The following SHKBP1 variants were observed in gnomAD, a reference collection of about 807,000 sequenced individuals.
SHKBP1 encodes the protein SH3KBP1 binding protein 1.
In SHKBP1, 71 loss-of-function variants were observed where a neutral mutation model predicts 83.9. That is an observed-to-expected ratio of 0.85 (90% CI 0.70 to 1.03). The LOEUF is 1.03. SHKBP1 is among the 50% of genes least tolerant of loss of function. The pLI is 0.00. For missense variants in SHKBP1, 824 were observed against 982.4 expected (o/e 0.84, Z 2.16); for synonymous variants, 371 against 398.0 (o/e 0.93, Z 0.81).
chr19:40,591,295 G>A lies in SHKBP1; in HGVS notation c.*88G>A, dbSNP rs2081358884. The A allele has an allele frequency of 2.2e-5, 25 of 1,159,706 alleles. No individual in the cohort carries two copies. The allele number at this position is 1,159,706 out of a possible 1,614,324, so 71.8% of individuals were successfully genotyped here. A position where few individuals can be genotyped will look rare whatever the true frequency, so the allele number is the denominator to read the frequency against. ...ATTCCTGTGGGAACCCCGGGTTCAGGGCCAGGGCCTCCTTGGAATAAATGG... is the reference window on the plus strand; with the variant it reads ...ATTCCTGTGGGAACCCCGGGTTCAGAGCCAGGGCCTCCTTGGAATAAATGG... On this transcript the variant is annotated 3_prime_UTR_variant, in exon 18 of 18. Coordinates refer to ENST00000291842, the MANE Select transcript of SHKBP1 (RefSeq NM_138392.4).
intron 4 of SHKBP1, 83 bp downstream of exon 4, chr19:40,577,713 A>G (rs1385610830): frequency 1.4e-6 from 2 of 1,464,764 alleles, no homozygotes; most frequent in Non-Finnish European, 1.9e-6. Context: ...TGTCCACGTG[A>G]GCTCCATTCT....
Position 40,590,320 on chromosome 19 carries a change from C to T in SHKBP1, c.1666C>T (p.Leu556Phe). 1 of 1,609,920 alleles carries T rather than the reference C, an allele frequency of 6.2e-7. No individual in the cohort carries two copies. The highest frequency in any genetic ancestry group is 8.5e-7 in the Non-Finnish European group (1 of 1,178,616). The change falls in exon 16 of 18, where the codon CTC becomes TTC. Residue 556 changes from leucine to phenylalanine, a missense_variant. Leu to Phe is a conservative substitution (Grantham distance 22). Coordinates refer to ENST00000291842, the MANE Select transcript of SHKBP1 (RefSeq NM_138392.4). The surrounding 1 kb of genome is among the most constrained non-coding windows in gnomAD (Gnocchi z 4.6). The stretch of plus-strand genomic sequence containing the variant: ...GCTGGAGTGCGAGGGCTCCCGGCGG[C>T]TCGGCTCTCGGCCCCGGCGCTACCT... ...TVLECEGSRR[L>F]GSRPRRYLLT...
rs113296494 is a variant in SHKBP1 at position 40,577,091 on chromosome 19, C to G, written c.86+106C>G. On this transcript the variant is annotated intron_variant, in intron 1 of 17. Coordinates refer to ENST00000291842, the MANE Select transcript of SHKBP1 (RefSeq NM_138392.4). ...CTGTCCATCAAGGGTTGCTCCGCCC[C>G]CCCCCCCTTTGGAGGCGCGAGATTC... The G allele has an allele frequency of 7.2e-5, 97 of 1,342,496 alleles. No individual in the cohort carries two copies. In the African/African-American group the frequency reaches 1.4e-3, roughly 19 times the overall value. The allele number at this position is 1,342,496 out of a possible 1,614,324, so 83.2% of individuals were successfully genotyped here.
intron 9 of SHKBP1, among the ~76,000 whole-genome samples, chr19:40,581,673 T>C (rs568880646): frequency 3.3e-5 from 5 of 152,238 alleles, no homozygotes; most frequent in South Asian, 4.1e-4. Flanking sequence ...TAAGCCATGA[T>C]TGCACCACTG....
In SHKBP1 at chr19:40,590,859, C is replaced by T. The variant is rs1364160726; in HGVS notation, c.1892+6C>T. ...CCCCGCATCTCCCTCACCAGGTAGC[C>T]ACAACTCCACTGCCCCTTCTGTGCA... On this transcript the variant is annotated splice_donor_region_variant and intron_variant, in intron 17 of 17. Coordinates refer to ENST00000291842, the MANE Select transcript of SHKBP1 (RefSeq NM_138392.4). This position sits in a 1 kb window ranked among gnomAD's most constrained non-coding sequence, Gnocchi z 4.6. The T allele has an allele frequency of 1.9e-6, 3 of 1,576,046 alleles. No homozygotes were observed. In the African/African-American group the frequency reaches 4.0e-5, roughly 21 times the overall value.
At chr19:40,584,761 T>C (rs1183439209) in intron 12 of SHKBP1, among the ~76,000 whole-genome samples, 1 of 152,142 alleles carries the variant, frequency 6.6e-6, no homozygotes, top group Non-Finnish European at 1.5e-5. Context: ...AGGGGAGGAT[T>C]ACAGGTGTGC....
chr19:40,589,576 G>C (rs1351213080), intron 15 of SHKBP1, among the ~76,000 whole-genome samples: 2 of 150,696 alleles, frequency 1.3e-5, no homozygotes, highest in African/African-American at 2.4e-5. Flanking sequence ...GCAGGGGTCG[G>C]GATGGGATGG....
chr19:40,580,960 A>C, intron 9 of SHKBP1, 24 bp downstream of exon 9: 1 of 1,513,038 alleles, frequency 6.6e-7, no homozygotes, highest in Non-Finnish European at 8.8e-7. Context: ...CCTTTTCCAG[A>C]ACCCTCTGTC....
chr19:40,585,928 G>A (rs2081308456), intron 12 of SHKBP1: 1 of 150,666 alleles, frequency 6.6e-6, no homozygotes, highest in Admixed American at 6.6e-5. Context: ...TGTTTTTTGA[G>A]ACAGTCTCGC....
chr19:40,577,108 G>T, intron 1 of SHKBP1, 123 bp downstream of exon 1: 3 of 1,384,714 alleles, frequency 2.2e-6, no homozygotes, highest in South Asian at 1.3e-5. Flanking sequence ...CTTTGGAGGC[G>T]CGAGATTCTG....
intron 13 of SHKBP1, 148 bp downstream of exon 13, chr19:40,587,092 G>T (rs2081318792): frequency 2.9e-6 from 2 of 700,792 alleles, no homozygotes; most frequent in African/African-American, 1.8e-5. Context: ...GACTGTAATT[G>T]CAGAAGTGAG....
chr19:40,583,544 G>A (rs1318503259), intron 11 of SHKBP1, 57 bp from the exon 12 acceptor site: 2 of 1,610,972 alleles, frequency 1.2e-6, no homozygotes, highest in Non-Finnish European at 1.7e-6. Context: ...GGGGAAGGGA[G>A]GGAGAGAGGC....
Position 40,588,730 on chromosome 19 carries a change from T to G in SHKBP1, c.1443T>G (p.Ala481=). ...CACTCGCTTCCTTTAAGATCCTGGCTCTGGAGTCGGCAGATGGGCATGGCG... is the reference window on the plus strand; with the variant it reads ...CACTCGCTTCCTTTAAGATCCTGGCGCTGGAGTCGGCAGATGGGCATGGCG... ...STPLASFKIL[A]LESADGHGGC... Residue 481 remains alanine (A), a synonymous_variant, in exon 14 of 18, where the codon GCT becomes GCG. Transcript: ENST00000291842. 1 of 1,614,112 alleles carries G rather than the reference T, an allele frequency of 6.2e-7. No individual in the cohort carries two copies. Among genetic ancestry groups the G allele is most frequent in the South Asian group, 1.1e-5 (1 of 91,084 alleles).
chr19:40,576,983 G>A lies in SHKBP1; in HGVS notation c.84G>A (p.Lys28=). 2 of 1,517,522 alleles carry A rather than the reference G, an allele frequency of 1.3e-6. No homozygotes were observed. Among genetic ancestry groups the A allele is most frequent in the Non-Finnish European group, 1.8e-6 (2 of 1,134,702 alleles). The allele number at this position is 1,517,522 out of a possible 1,614,324, so 94.0% of individuals were successfully genotyped here. Residue 28 remains lysine, a splice_region_variant and synonymous_variant, in exon 1 of 18, where the codon AAG becomes AAA. Transcript: ENST00000291842. The stretch of plus-strand genomic sequence containing the variant: ...TCATTCATCTGAATGTGGGAGGCAA[G>A]AGGTGAGTGTGGGAGACTCCTGAGG... ...GEVIHLNVGG[K]RFSTSRQTLT...
intron 1 of SHKBP1, 40 bp downstream of exon 1, chr19:40,577,025 G>A (rs531548869): frequency 2.8e-6 from 4 of 1,406,754 alleles, no homozygotes; most frequent in African/African-American, 2.9e-5. Flanking sequence ...CCTCGGGGGC[G>A]GGAAGCGGGG....
chr19:40,590,506 C>A lies in SHKBP1; in HGVS notation c.1768+84C>A. 6.8e-7 allele frequency: 1 copy of A among 1,460,626 alleles called. No individual in the cohort carries two copies. The highest frequency in any genetic ancestry group is 9.3e-7 in the Non-Finnish European group (1 of 1,076,504). 90.5% of individuals were successfully genotyped at this position (1,460,626 alleles called of 1,614,324 possible). A position where few individuals can be genotyped will look rare whatever the true frequency, so the allele number is the denominator to read the frequency against. On this transcript the variant is annotated intron_variant, in intron 16 of 17. Coordinates refer to ENST00000291842, the MANE Select transcript of SHKBP1 (RefSeq NM_138392.4). The surrounding 1 kb of genome is among the most constrained non-coding windows in gnomAD (Gnocchi z 4.6). The stretch of plus-strand genomic sequence containing the variant: ...CTCCACTGCCAACTGCTTGATCTCT[C>A]TCCCAGGCCCTTGCCCTCTGACCCC...
Position 40,588,648 on chromosome 19 carries a change from G to C in SHKBP1, c.1361G>C (p.Arg454Pro). ...GTCTGTGCCGACAACAACCACGTGCGGACATGGTCTGTGACTCGCTTCCGC... is the reference window on the plus strand; with the variant it reads ...GTCTGTGCCGACAACAACCACGTGCCGACATGGTCTGTGACTCGCTTCCGC... Reference protein sequence around the residue: ...ISVCADNNHVRTWSVTRFRGM... With the variant: ...ISVCADNNHVPTWSVTRFRGM... The change falls in exon 14 of 18, where the codon CGG (arginine) becomes CCG (proline). Residue 454 changes from arginine to proline, a missense_variant. Around this residue, in one of 3 missense-constraint regions of SHKBP1, gnomAD observed 182 missense variants for 273.1 expected, o/e 0.67. Transcript: ENST00000291842. 1 of 1,614,176 alleles carries C rather than the reference G, an allele frequency of 6.2e-7. No individual in the cohort carries two copies. Among genetic ancestry groups the C allele is most frequent in the Non-Finnish European group, 8.5e-7 (1 of 1,180,034 alleles).
At chr19:40,586,558 G>C (rs542108855) in intron 12 of SHKBP1, 109 of 392,984 alleles carry the variant, frequency 2.8e-4, no homozygotes, top group African/African-American at 2.0e-3. Context: ...CTAGAGACAG[G>C]GTTTCAGCAC....
At chr19:40,588,059 G>A (rs919807400) in intron 13 of SHKBP1, among the ~76,000 whole-genome samples, 1 of 152,194 alleles carries the variant, frequency 6.6e-6, no homozygotes, top group African/African-American at 2.4e-5. Flanking sequence ...ATAACAGAAT[G>A]AGCAGTGCAG....
Sources: gnomAD v4.1 joint callset for allele counts (sites outside exome capture counted in the v4.1 genomes callset) on GRCh38, gnomAD v4.1.1 for gene constraint, gnomAD v4.1.1 regional missense constraint, Gnocchi (gnomAD v3.1) non-coding constraint, MANE v1.5 for transcripts, NCBI Gene and HGNC (gene_info 2026-07-23, HGNC 2026-07-21) for gene names.